CADM2: variants seen among roughly 807,000 people sequenced by gnomAD.
CADM2 encodes cell adhesion molecule 2, also known as immunoglobulin superfamily member 4D.
A neutral mutation model predicts 49.8 loss-of-function variants in CADM2; 12 were observed. The ratio of observed to expected loss-of-function variants is 0.24; its 90% CI spans 0.15 to 0.39. The LOEUF is 0.39. CADM2 is among the 10% of genes least tolerant of loss of function. The probability of loss-of-function intolerance (pLI) is 1.00; values close to 1 mark genes in which losing one functional copy is unlikely to be tolerated. For synonymous variants in CADM2, 214 were observed against 175.4 expected (o/e 1.22, Z -1.74); for missense variants, 378 against 492.3 (o/e 0.77, Z 2.20).
chr3:85,888,032 GC>G (rs1456111403), intron 5 of CADM2, among the ~76,000 whole-genome samples: 2 of 152,146 alleles, frequency 1.3e-5, no homozygotes, highest in African/African-American at 4.8e-5. Flanking sequence ...ACACTAAAAT[GC>G]ACTTCTTAGA....
chr3:86,038,121 G>A (rs766291886), intron 8 of CADM2, among the ~76,000 whole-genome samples: 1 of 152,074 alleles, frequency 6.6e-6, no homozygotes, highest in Non-Finnish European at 1.5e-5. Context: ...TGCTGAGAAT[G>A]ATAGTTTCCA....
chr3:85,476,100 C>T (rs1326202741), intron 1 of CADM2, among the ~76,000 whole-genome samples: 1 of 151,856 alleles, frequency 6.6e-6, no homozygotes, highest in African/African-American at 2.4e-5. Context: ...AATGATTCAC[C>T]AGTCTATTGA....
chr3:85,370,537 G>A (rs978210737), intron 1 of CADM2, among the ~76,000 whole-genome samples: 2 of 152,128 alleles, frequency 1.3e-5, no homozygotes, highest in African/African-American at 4.8e-5. Context: ...ACATGTTTGT[G>A]TTGATGCCAA....
chr3:85,093,306 A>C (rs2037671048), intron 1 of CADM2, among the ~76,000 whole-genome samples: 1 of 151,920 alleles, frequency 6.6e-6, no homozygotes, highest in Non-Finnish European at 1.5e-5. Context: ...AGATCAAGAG[A>C]TCAAGACCAT....
intron 1 of CADM2, among the ~76,000 whole-genome samples, chr3:85,606,879 T>G (rs913600410): frequency 1.1e-4 from 16 of 152,038 alleles, no homozygotes; most frequent in African/African-American, 3.9e-4. Flanking sequence ...GTGAAGCATA[T>G]TTAAGATATT....
chr3:85,784,904 G>A (rs180924343), intron 2 of CADM2, among the ~76,000 whole-genome samples: 10 of 152,258 alleles, frequency 6.6e-5, no homozygotes, highest in South Asian at 2.1e-4. Context: ...CAGTGAAGCC[G>A]TCAGGCTCTG....
chr3:85,530,910 AC>A (rs1559890325), intron 1 of CADM2, among the ~76,000 whole-genome samples: 17 of 131,424 alleles, frequency 1.3e-4, no homozygotes, highest in African/African-American at 5.6e-4. Flanking sequence ...ACACACACAC[AC>A]ACAAAATTCA....
intron 1 of CADM2, among the ~76,000 whole-genome samples, chr3:85,245,990 A>C (rs1253281452): frequency 6.6e-6 from 1 of 152,184 alleles, no homozygotes; most frequent in Non-Finnish European, 1.5e-5. Context: ...TCTGCACTTC[A>C]CTTCCCCCAC....
intron 1 of CADM2, among the ~76,000 whole-genome samples, chr3:85,589,242 C>T (rs1463848609): frequency 6.6e-6 from 1 of 152,006 alleles, no homozygotes; most frequent in African/African-American, 2.4e-5. Flanking sequence ...GTGAGAGTTC[C>T]AACCTTGTTT....
chr3:85,668,620 TTC>T (rs908277215), intron 1 of CADM2, among the ~76,000 whole-genome samples: 2 of 152,058 alleles, frequency 1.3e-5, no homozygotes, highest in Admixed American at 1.3e-4. Flanking sequence ...TGGACAAGCT[TTC>T]TCTCTTTGCC....
At chr3:85,770,811 A>G (rs1294977491) in intron 2 of CADM2, among the ~76,000 whole-genome samples, 2 of 152,140 alleles carry the variant, frequency 1.3e-5, no homozygotes, top group African/African-American at 4.8e-5. Flanking sequence ...AGGCCACAAA[A>G]GGAGTTTTCT....
intron 1 of CADM2, among the ~76,000 whole-genome samples, chr3:85,686,368 G>A (rs1029346328): frequency 6.6e-6 from 1 of 152,106 alleles, no homozygotes; most frequent in East Asian, 1.9e-4. Flanking sequence ...AAATGGTAAC[G>A]CTGGTTAGTG....
At chr3:85,539,196 T>G (rs2061486948) in intron 1 of CADM2, among the ~76,000 whole-genome samples, 1 of 151,756 alleles carries the variant, frequency 6.6e-6, no homozygotes, top group Non-Finnish European at 1.5e-5. Context: ...AACTTGTGGT[T>G]TCACAATTTT....
At chr3:84,999,069 C>CT (rs1430212309) in intron 1 of CADM2, among the ~76,000 whole-genome samples, 1 of 152,108 alleles carries the variant, frequency 6.6e-6, no homozygotes, top group Non-Finnish European at 1.5e-5. Flanking sequence ...AATACCAAGC[C>CT]ACAAGCTATT....
chr3:85,450,322 G>T (rs1026514074), intron 1 of CADM2, among the ~76,000 whole-genome samples: 1 of 151,680 alleles, frequency 6.6e-6, no homozygotes, highest in African/African-American at 2.4e-5. Flanking sequence ...TGGAACCTAG[G>T]GGAAAGTTTA....
At chr3:85,812,297 G>A (rs1025366449) in intron 3 of CADM2, among the ~76,000 whole-genome samples, 2 of 151,858 alleles carry the variant, frequency 1.3e-5, no homozygotes, top group East Asian at 1.9e-4. Flanking sequence ...AAAATAATTC[G>A]ACTTGAAAAT....
At chr3:84,967,750 G>A (rs572732133) in intron 1 of CADM2, among the ~76,000 whole-genome samples, 1 of 152,150 alleles carries the variant, frequency 6.6e-6, no homozygotes, top group Admixed American at 6.6e-5. Context: ...TGTACAGATT[G>A]GGTGTTTTTC....
intron 1 of CADM2, among the ~76,000 whole-genome samples, chr3:84,974,674 A>G (rs571217763): frequency 5.9e-5 from 9 of 152,096 alleles, no homozygotes; most frequent in African/African-American, 2.2e-4. Context: ...ATGTTTTACT[A>G]ACCAACTAAG....
chr3:85,024,442 A>G (rs1235852905), intron 1 of CADM2, among the ~76,000 whole-genome samples: 1 of 152,074 alleles, frequency 6.6e-6, no homozygotes, highest in East Asian at 1.9e-4. Flanking sequence ...CCATTATCCT[A>G]TGTTGTATAT....
Sources: gnomAD v4.1 joint callset for allele counts (sites outside exome capture counted in the v4.1 genomes callset) on GRCh38, gnomAD v4.1.1 for gene constraint, MANE v1.5 for transcripts, NCBI Gene and HGNC (gene_info 2026-07-23, HGNC 2026-07-21) for gene names.